CMAS: variants seen among roughly 807,000 people sequenced by gnomAD.
CMAS encodes the protein cytidine monophosphate N-acetylneuraminic acid synthetase, also known as N-acylneuraminate cytidylyltransferase.
Under a neutral mutation model 53.4 loss-of-function variants are expected in CMAS, and 21 were observed. The ratio of observed to expected loss-of-function variants is 0.39; its 90% confidence interval spans 0.28 to 0.57. The LOEUF (loss-of-function observed/expected upper bound fraction) is 0.57, where lower values mean the gene tolerates loss of function less well. CMAS is among the 20% of genes least tolerant of loss of function. The pLI is 0.56. For missense variants in CMAS, 384 were observed against 534.9 expected, an observed-to-expected ratio of 0.72 and a Z score of 2.78; for synonymous variants, 189 against 195.2, an observed-to-expected ratio of 0.97 and a Z score of 0.27.
At position 22,060,822 on chromosome 12, in the gene CMAS, C is replaced by A; in HGVS notation, c.694-10C>A. The A allele has an allele frequency of 6.6e-7, 1 of 1,526,020 alleles. No homozygotes were observed. The highest frequency in any genetic ancestry group is 9.1e-7 in the Non-Finnish European group (1 of 1,101,626). 94.5% of individuals were successfully genotyped at this position (1,526,020 alleles called of 1,614,324 possible). On this transcript the variant is annotated splice_polypyrimidine_tract_variant and intron_variant, in intron 4 of 7. Coordinates refer to ENST00000229329, the MANE Select transcript of CMAS (RefSeq NM_018686.6). ...AAAAACAGTATTCATGACATTTATA[C>A]TACCTTTAGGGTGGAAAAATGGCAT...
intron 1 of CMAS, among the ~76,000 whole-genome samples, chr12:22,049,325 G>GTT (rs1950225532): frequency 6.6e-6 from 1 of 152,154 alleles, no homozygotes; most frequent in Non-Finnish European, 1.5e-5. Flanking sequence ...AAAAGTGAGG[G>GTT]GGAATAGATT....
At position 22,055,578 on chromosome 12, in the gene CMAS, A is replaced by G; in HGVS notation, c.527A>G (p.His176Arg). 6.2e-7 allele frequency: 1 copy of G among 1,609,818 alleles called. No homozygotes were observed. The highest frequency in any genetic ancestry group is 8.5e-7 in the Non-Finnish European group (1 of 1,179,122). The change falls in exon 3 of 8, where the codon CAT becomes CGT. Residue 176 changes from histidine (H) to arginine (R), a missense_variant. Transcript: ENST00000229329. ...TCTGTTTTCTCTGTTGTGAGACGCC[A>G]TCAGTTTCGATGGAGTGAAATTCAG... ...YDSVFSVVRRHQFRWSEIQKG... is the reference protein window; with the variant it reads ...YDSVFSVVRRRQFRWSEIQKG...
chr12:22,047,775 C>G (rs1053510422), intron 1 of CMAS, among the ~76,000 whole-genome samples: 2 of 152,114 alleles, frequency 1.3e-5, no homozygotes, highest in African/African-American at 4.8e-5. Context: ...CAAGGGAATA[C>G]CAAGATGATT....
intron 4 of CMAS, among the ~76,000 whole-genome samples, chr12:22,059,150 T>TATATA (rs371663502): frequency 1.1e-4 from 12 of 112,534 alleles, no homozygotes; most frequent in South Asian, 3.0e-4. Context: ...ATATATATAT[T>TATATA]TTTTTTTTTT....
At chr12:22,063,783 C>T (rs1038301846) in intron 7 of CMAS, 1 of 151,328 alleles carries the variant, frequency 6.6e-6, no homozygotes, top group African/African-American at 2.4e-5. Context: ...TGGAGAAGAG[C>T]ATTTACATTT....
At chr12:22,060,772 GT>G in intron 4 of CMAS, 59 bp from the exon 5 acceptor site, 2 of 940,464 alleles carry the variant, frequency 2.1e-6, no homozygotes, top group Non-Finnish European at 3.5e-6. Flanking sequence ...TTATAATAAA[GT>G]TTTGATATAT....
chr12:22,053,147 G>T (rs557448878), intron 1 of CMAS, among the ~76,000 whole-genome samples: 1 of 151,852 alleles, frequency 6.6e-6, no homozygotes, highest in South Asian at 2.1e-4. Context: ...TTGGTCGGGC[G>T]TGGTGACACA....
chr12:22,061,217 G>A (rs1591794949), intron 5 of CMAS, 64 bp from the exon 6 acceptor site: 2 of 1,111,364 alleles, frequency 1.8e-6, no homozygotes, highest in Non-Finnish European at 2.7e-6. Flanking sequence ...TATTGGTTTA[G>A]CCAGATGAGA....
At chr12:22,056,213 G>T (rs879310518) in intron 3 of CMAS, among the ~76,000 whole-genome samples, 6 of 152,024 alleles carry the variant, frequency 3.9e-5, no homozygotes, top group East Asian at 1.9e-4. Flanking sequence ...TTAAAAAAAG[G>T]TCATTTCCTC....
At chr12:22,051,942 A>G (rs573369800) in intron 1 of CMAS, among the ~76,000 whole-genome samples, 1 of 152,246 alleles carries the variant, frequency 6.6e-6, no homozygotes, top group South Asian at 2.1e-4. Context: ...ACCCACTATT[A>G]TTACTTACCT....
rs528004368 is a variant in CMAS at position 22,065,475 on chromosome 12, T to G, written c.*164T>G. 4.4e-5 allele frequency: 25 copies of G among 570,736 alleles called. No homozygotes were observed. In the Admixed American group the frequency reaches 6.1e-4, roughly 14 times the overall value. 35.4% of individuals were successfully genotyped at this position (570,736 alleles called of 1,614,324 possible). The stretch of plus-strand genomic sequence containing the variant: ...TTTCTCTTTACGCAAGATAATTATT[T>G]AGAGACTGATTACAGTCTTTCTCAG... On this transcript the variant is annotated 3_prime_UTR_variant, in exon 8 of 8. Coordinates refer to ENST00000229329, the MANE Select transcript of CMAS (RefSeq NM_018686.6).
rs1411248898 is a variant in CMAS at position 22,058,683 on chromosome 12, G to T, written c.676G>T (p.Glu226Ter). 1 of 1,613,396 alleles carries T rather than the reference G, an allele frequency of 6.2e-7. No homozygotes were observed. The highest frequency in any genetic ancestry group is 8.5e-7 in the Non-Finnish European group (1 of 1,179,716). ...TTATTTTGCTAAAAGACATTTGATA[G>T]AGATGGGTTACTTGCAGGTTTGTAC... The part of the protein sequence containing the change: ...SFYFAKRHLI[E>*]MGYLQGGKMA... Residue 226 changes from glutamate (E) to a stop codon, truncating the protein, a stop_gained, in exon 4 of 8, where the codon GAG (glutamate) becomes TAG (stop). Coordinates refer to ENST00000229329, the MANE Select transcript of CMAS (RefSeq NM_018686.6). LOFTEE classifies it high-confidence loss of function.
At chr12:22,048,572 G>A (rs911164744) in intron 1 of CMAS, among the ~76,000 whole-genome samples, 12 of 152,250 alleles carry the variant, frequency 7.9e-5, no homozygotes, top group African/African-American at 2.6e-4. Context: ...CTGGTGAGAG[G>A]CCCCTGAACC....
chr12:22,047,116 C>T (rs138109288), intron 1 of CMAS, among the ~76,000 whole-genome samples: 1 of 152,276 alleles, frequency 6.6e-6, no homozygotes, highest in East Asian at 1.9e-4. Flanking sequence ...TCCTGTGAGT[C>T]AGCACAATCT....
At chr12:22,049,120 C>T (rs1366479142) in intron 1 of CMAS, among the ~76,000 whole-genome samples, 1 of 152,214 alleles carries the variant, frequency 6.6e-6, no homozygotes, top group Non-Finnish European at 1.5e-5. Context: ...AGAAGGAGTG[C>T]TCTCCTCGAA....
At chr12:22,054,291 A>G (rs2138181678) in intron 1 of CMAS, among the ~76,000 whole-genome samples, 1 of 152,300 alleles carries the variant, frequency 6.6e-6, no homozygotes, top group East Asian at 1.9e-4. Flanking sequence ...GTGACTGTCC[A>G]GGAAACAAAA....
chr12:22,063,820 C>A (rs1294078889), intron 7 of CMAS: 4 of 151,626 alleles, frequency 2.6e-5, no homozygotes, highest in African/African-American at 9.7e-5. Flanking sequence ...GCAGGCCAGG[C>A]ATGATGGCTC....
intron 1 of CMAS, among the ~76,000 whole-genome samples, chr12:22,050,866 A>C (rs1003893913): frequency 6.6e-6 from 1 of 151,998 alleles, no homozygotes; most frequent in African/African-American, 2.4e-5. Flanking sequence ...CTTATTCATC[A>C]TGGTATGCTT....
chr12:22,061,053 G>A, intron 5 of CMAS, 127 bp downstream of exon 5: 1 of 713,156 alleles, frequency 1.4e-6, no homozygotes, highest in Non-Finnish European at 2.4e-6. Flanking sequence ...AGGAAGACAT[G>A]TAAAATATGT....
Sources: gnomAD v4.1 joint callset for allele counts (sites outside exome capture counted in the v4.1 genomes callset) on GRCh38, gnomAD v4.1.1 for gene constraint, MANE v1.5 for transcripts, NCBI Gene and HGNC (gene_info 2026-07-23, HGNC 2026-07-21) for gene names.